TMEM51: variants seen among roughly 807,000 people sequenced by gnomAD.
TMEM51 encodes transmembrane protein 51.
In TMEM51, 8 loss-of-function variants were observed where a neutral mutation model predicts 13.6. The ratio of observed to expected loss-of-function variants is 0.59; its 90% CI spans 0.35 to 1.07. TMEM51 has a LOEUF of 1.07. TMEM51 is among the 50% of genes least tolerant of loss of function. TMEM51 has a pLI of 0.02. For synonymous variants in TMEM51, 147 were observed against 144.4 expected (o/e 1.02, Z -0.13); for missense variants, 279 against 330.7 (o/e 0.84, Z 1.21).
chr1:15,205,668 C>A (rs1257250644), intron 1 of TMEM51, among the ~76,000 whole-genome samples: 2 of 152,194 alleles, frequency 1.3e-5, no homozygotes, highest in African/African-American at 4.8e-5. Context: ...AAATTACTTT[C>A]CGTCTTGGAA....
Position 15,220,018 on chromosome 1 carries a change from T to C in TMEM51, c.*275T>C, listed in dbSNP as rs1036465889. On this transcript the variant is annotated 3_prime_UTR_variant, in exon 4 of 4. Transcript: ENST00000376008. Reference sequence around the variant, plus strand: ...GTGTGGCACAGGCATCTTCCCATCCTTTTCACTCCGAATCGCTGGCGACAC... The same window carrying C: ...GTGTGGCACAGGCATCTTCCCATCCCTTTCACTCCGAATCGCTGGCGACAC... 1 of 425,384 alleles carries C rather than the reference T, an allele frequency of 2.4e-6. No homozygotes were observed. Among genetic ancestry groups the C allele is most frequent in the Non-Finnish European group, 4.2e-6 (1 of 238,150 alleles). 26.4% of individuals were successfully genotyped at this position (425,384 alleles called of 1,614,324 possible).
At chr1:15,166,283 G>A (rs1642995064) in intron 1 of TMEM51, among the ~76,000 whole-genome samples, 1 of 152,176 alleles carries the variant, frequency 6.6e-6, no homozygotes, top group South Asian at 2.1e-4. Context: ...ACTGTAGAGA[G>A]CTTTGAAGAC....
At chr1:15,162,155 T>C (rs763471415) in intron 1 of TMEM51, among the ~76,000 whole-genome samples, 5 of 151,890 alleles carry the variant, frequency 3.3e-5, no homozygotes, top group Non-Finnish European at 4.4e-5. Flanking sequence ...ACCTCCAACA[T>C]TGGGGATCAA....
intron 1 of TMEM51, among the ~76,000 whole-genome samples, chr1:15,169,181 G>C (rs536300958): frequency 1.3e-5 from 2 of 152,160 alleles, no homozygotes; most frequent in Middle Eastern, 6.8e-3. Context: ...TGAGGGAGTC[G>C]GGATTTGAAC....
chr1:15,175,274 C>T (rs6688611), intron 1 of TMEM51, among the ~76,000 whole-genome samples: 88,441 of 151,738 alleles, frequency 0.58, 26,772 homozygotes, highest in East Asian at 0.92. Context: ...GTGGCGAGTG[C>T]CTGTAATCCC....
At chr1:15,179,485 C>T (rs965231095) in intron 1 of TMEM51, among the ~76,000 whole-genome samples, 1 of 152,154 alleles carries the variant, frequency 6.6e-6, no homozygotes, top group African/African-American at 2.4e-5. Context: ...TGGGTGATTC[C>T]ACTTCCCTAA....
At chr1:15,190,865 G>A (rs945867474) in intron 1 of TMEM51, among the ~76,000 whole-genome samples, 2 of 152,092 alleles carry the variant, frequency 1.3e-5, no homozygotes, top group Admixed American at 1.3e-4. Flanking sequence ...TCGGTTCACT[G>A]CGACCTCCAC....
chr1:15,160,623 C>T (rs563817372), intron 1 of TMEM51, among the ~76,000 whole-genome samples: 19 of 152,132 alleles, frequency 1.2e-4, no homozygotes, highest in African/African-American at 4.1e-4. Flanking sequence ...TCTTAAGTTA[C>T]CATAAGAGGC....
intron 1 of TMEM51, among the ~76,000 whole-genome samples, chr1:15,182,474 G>A (rs965422454): frequency 6.6e-6 from 1 of 152,246 alleles, no homozygotes; most frequent in African/African-American, 2.4e-5. Context: ...GAGTTGAGCT[G>A]TTCAAGCTCT....
At chr1:15,187,235 C>T (rs1643807804) in intron 1 of TMEM51, among the ~76,000 whole-genome samples, 1 of 150,524 alleles carries the variant, frequency 6.6e-6, no homozygotes, top group Non-Finnish European at 1.5e-5. Context: ...CCCCCACTGA[C>T]TCCTTGGGGA....
chr1:15,190,473 T>C lies in TMEM51; in HGVS notation c.-266-20017T>C, dbSNP rs191760333. 4.1e-3 allele frequency among the ~76,000 whole-genome samples: 619 copies of C among 152,328 alleles called. 2 individuals carry two copies. The highest frequency in any genetic ancestry group is 6.9e-3 in the Non-Finnish European group (471 of 68,026). On this transcript the variant is annotated intron_variant, in intron 1 of 3. Transcript: ENST00000376008. ...CCACCTGAAGCTGCAAGAGCCCTGC[T>C]GCCAGATACCAGGGCAGGAAATCTT...
intron 1 of TMEM51, among the ~76,000 whole-genome samples, chr1:15,174,532 C>T (rs893565405): frequency 4.6e-5 from 7 of 152,160 alleles, no homozygotes; most frequent in African/African-American, 1.4e-4. Context: ...CATGAGTCAC[C>T]ACACCCAACC....
chr1:15,198,137 C>T (rs1369454550), intron 1 of TMEM51, among the ~76,000 whole-genome samples: 2 of 152,078 alleles, frequency 1.3e-5, no homozygotes, highest in Non-Finnish European at 2.9e-5. Context: ...GCTGCTTGAG[C>T]TCCAACCATC....
At chr1:15,184,181 C>T (rs1444930235) in intron 1 of TMEM51, among the ~76,000 whole-genome samples, 1 of 124,516 alleles carries the variant, frequency 8.0e-6, no homozygotes, top group African/African-American at 2.7e-5. Context: ...CGTGCGCCAC[C>T]ACACCAGGAT....
Position 15,219,545 on chromosome 1 carries a change from C to T in TMEM51, c.564C>T (p.Asp188=). ...AGGCCAGCCCTGGGAACCCCCCTGACAGGCAGAACTCTAAGTTGGCCAAAC... is the reference window on the plus strand; with the variant it reads ...AGGCCAGCCCTGGGAACCCCCCTGATAGGCAGAACTCTAAGTTGGCCAAAC... ...DVEASPGNPP[D]RQNSKLAKRL... The change falls in exon 4 of 4, where the codon GAC becomes GAT. Residue 188 remains aspartate (D), a synonymous_variant. Coordinates refer to ENST00000376008, the MANE Select transcript of TMEM51 (RefSeq NM_001136218.2). The T allele has an allele frequency of 6.2e-7, 1 of 1,614,120 alleles. No individual in the cohort carries two copies. Among genetic ancestry groups the T allele is most frequent in the South Asian group, 1.1e-5 (1 of 91,086 alleles).
intron 1 of TMEM51, among the ~76,000 whole-genome samples, chr1:15,155,139 T>C (rs1490239092): frequency 2.0e-5 from 3 of 152,168 alleles, no homozygotes; most frequent in East Asian, 3.9e-4. Flanking sequence ...ACTCCACCAA[T>C]TGAGAGGTAC....
intron 1 of TMEM51, among the ~76,000 whole-genome samples, chr1:15,201,104 G>A (rs59069064): frequency 0.031 from 4,743 of 152,264 alleles, 236 homozygotes; most frequent in African/African-American, 0.1. Flanking sequence ...GGAGTGAGTC[G>A]TGTCTAGTTT....
At chr1:15,171,133 T>G in intron 1 of TMEM51, 4 of 962,544 alleles carry the variant, frequency 4.2e-6, no homozygotes, top group Non-Finnish European at 5.8e-6. Context: ...CACCCCCAGT[T>G]GCTGATTCAG....
In TMEM51 at chr1:15,219,875, G is replaced by A; in HGVS notation, c.*132G>A. The A allele has an allele frequency of 2.9e-6, 3 of 1,026,388 alleles. No individual in the cohort carries two copies. The highest frequency in any genetic ancestry group is 4.2e-6 in the Non-Finnish European group (3 of 720,930). The allele number at this position is 1,026,388 out of a possible 1,614,324, so 63.6% of individuals were successfully genotyped here. On this transcript the variant is annotated 3_prime_UTR_variant, in exon 4 of 4. Coordinates refer to ENST00000376008, the MANE Select transcript of TMEM51 (RefSeq NM_001136218.2). ...CATGGAGCCATTTGGATGGCGGCGG[G>A]CGGGGGGGGATTCTCTGTATCAGGA... is the stretch of plus-strand genomic sequence containing the variant.
Sources: allele counts gnomAD v4.1 joint callset (sites outside exome capture counted in the v4.1 genomes callset), GRCh38; gene constraint gnomAD v4.1.1; transcripts MANE v1.5; gene names NCBI Gene and HGNC (gene_info 2026-07-23, HGNC 2026-07-21).